RIMBP2: variants seen among roughly 807,000 people sequenced by gnomAD.
RIMBP2 encodes RIMS-binding protein 2.
A neutral mutation model predicts 118.6 loss-of-function variants in RIMBP2; 48 were observed. That is an observed-to-expected ratio of 0.40 (90% confidence interval 0.32 to 0.51). The LOEUF (loss-of-function observed/expected upper bound fraction) is 0.51, where lower values mean the gene tolerates loss of function less well. Among genes scored for constraint, RIMBP2 ranks in the 20% least tolerant of loss-of-function variants. The pLI is 0.41. For synonymous variants in RIMBP2, 762 were observed against 742.9 expected, an observed-to-expected ratio of 1.03 and a Z score of -0.42; for missense variants, 1,551 against 1,768.3, an observed-to-expected ratio of 0.88 and a Z score of 2.20.
At chr12:130,655,358 A>G (rs1193137763) in intron 1 of RIMBP2, among the ~76,000 whole-genome samples, 1 of 152,172 alleles carries the variant, frequency 6.6e-6, no homozygotes, top group East Asian at 1.9e-4. Flanking sequence ...TAAGGACCTT[A>G]TTTATCTTGC....
intron 4 of RIMBP2, among the ~76,000 whole-genome samples, chr12:130,480,757 T>G (rs1014823768): frequency 6.6e-6 from 1 of 152,144 alleles, no homozygotes; most frequent in African/African-American, 2.4e-5. Flanking sequence ...CCCACCACCA[T>G]GCTGGGCTAA....
At chr12:130,591,976 GA>G (rs1424941590) in intron 2 of RIMBP2, among the ~76,000 whole-genome samples, 1 of 152,208 alleles carries the variant, frequency 6.6e-6, no homozygotes, top group Admixed American at 6.5e-5. Flanking sequence ...CCCAGGCCTG[GA>G]GTCAGAGAGG....
At chr12:130,459,571 G>T (rs539159174) in intron 6 of RIMBP2, among the ~76,000 whole-genome samples, 2 of 152,318 alleles carry the variant, frequency 1.3e-5, no homozygotes, top group Admixed American at 6.5e-5. Context: ...TGAAGATAAT[G>T]AAAGGTACCA....
At chr12:130,504,089 T>C (rs1045141907) in intron 4 of RIMBP2, among the ~76,000 whole-genome samples, 24 of 152,336 alleles carry the variant, frequency 1.6e-4, no homozygotes, top group African/African-American at 5.3e-4. Flanking sequence ...TCTCCCATGA[T>C]TGTTTTAGGA....
intron 5 of RIMBP2, among the ~76,000 whole-genome samples, chr12:130,476,464 G>A (rs1025328387): frequency 1.4e-4 from 21 of 152,136 alleles, no homozygotes; most frequent in Admixed American, 1.3e-3. Context: ...AGGCACCACT[G>A]CCTGGTGGGG....
intron 1 of RIMBP2, among the ~76,000 whole-genome samples, chr12:130,674,781 C>A (rs534876520): frequency 6.6e-6 from 1 of 152,232 alleles, no homozygotes; most frequent in African/African-American, 2.4e-5. Flanking sequence ...CCCACCCCCG[C>A]CCCTGCACCC....
intron 1 of RIMBP2, among the ~76,000 whole-genome samples, chr12:130,650,091 C>A (rs1371936229): frequency 6.6e-6 from 1 of 152,000 alleles, no homozygotes; most frequent in Non-Finnish European, 1.5e-5. Context: ...CGGGGAGACG[C>A]AGTGGGGACT....
At chr12:130,553,865 T>A (rs1488108317) in intron 2 of RIMBP2, among the ~76,000 whole-genome samples, 1 of 152,196 alleles carries the variant, frequency 6.6e-6, no homozygotes, top group Non-Finnish European at 1.5e-5. Flanking sequence ...GGAGAAACTG[T>A]TAGGAAACTA....
chr12:130,444,053 C>T (rs1304976529), intron 10 of RIMBP2, among the ~76,000 whole-genome samples: 1 of 152,230 alleles, frequency 6.6e-6, no homozygotes, highest in African/African-American at 2.4e-5. Flanking sequence ...AAAGAGGCTC[C>T]TGGAATGCTT....
intron 2 of RIMBP2, among the ~76,000 whole-genome samples, chr12:130,575,892 G>A (rs145366091): frequency 2.6e-5 from 4 of 152,318 alleles, no homozygotes; most frequent in African/African-American, 9.6e-5. Context: ...TGGGCAAACT[G>A]CACAGCAAAA....
chr12:130,701,594 G>A (rs943952026), intron 1 of RIMBP2, among the ~76,000 whole-genome samples: 3 of 152,098 alleles, frequency 2.0e-5, no homozygotes, highest in Admixed American at 6.6e-5. Context: ...ACGTTGTAGG[G>A]GAAGGTGTCT....
intron 4 of RIMBP2, among the ~76,000 whole-genome samples, chr12:130,488,176 C>A (rs1316655971): frequency 6.6e-6 from 1 of 152,132 alleles, no homozygotes; most frequent in Non-Finnish European, 1.5e-5. Flanking sequence ...CCACATTTCA[C>A]CAAACCCACA....
chr12:130,436,962 G>T lies in RIMBP2; in HGVS notation c.1986C>A (p.Pro662=). 6.2e-7 allele frequency: 1 copy of T among 1,606,436 alleles called. No individual in the cohort carries two copies. Among genetic ancestry groups the T allele is most frequent in the Non-Finnish European group, 8.5e-7 (1 of 1,177,214 alleles). The change falls in exon 13 of 23, where the codon CCC becomes CCA. Residue 662 remains proline, a synonymous_variant. Coordinates refer to ENST00000690449, the MANE Select transcript of RIMBP2 (RefSeq NM_001393629.1). ...GGCTGGGTGAGGGCGACCGCCTTCC[G>T]GGGCCCACGGGCGGCTCCAGCATGT... ...HGHMLEPPVG[P]GRRSPSPSRI... is the part of the protein sequence containing the mutation.
intron 1 of RIMBP2, among the ~76,000 whole-genome samples, chr12:130,663,425 A>C (rs560068578): frequency 6.7e-6 from 1 of 148,282 alleles, no homozygotes; most frequent in African/African-American, 2.6e-5. Flanking sequence ...AGCAGACAGA[A>C]AGCTTTTATT....
chr12:130,524,568 CCTCA>C (rs2052559534), intron 2 of RIMBP2, among the ~76,000 whole-genome samples: 1 of 152,204 alleles, frequency 6.6e-6, no homozygotes, highest in African/African-American at 2.4e-5. Flanking sequence ...ACTTCATGAA[CCTCA>C]CTGAGGAGTT....
intron 1 of RIMBP2, among the ~76,000 whole-genome samples, chr12:130,704,630 A>G (rs569515035): frequency 1.2e-4 from 19 of 152,260 alleles, no homozygotes; most frequent in African/African-American, 4.1e-4. Context: ...AAGTTTTTAA[A>G]TCTCAAATTA....
At chr12:130,599,410 T>G (rs1015298589) in intron 2 of RIMBP2, among the ~76,000 whole-genome samples, 3 of 152,152 alleles carry the variant, frequency 2.0e-5, no homozygotes, top group Admixed American at 2.0e-4. Context: ...ATTTTCAATA[T>G]TCAATAAAAA....
chr12:130,482,530 A>G (rs1169530490), intron 4 of RIMBP2, among the ~76,000 whole-genome samples: 1 of 152,208 alleles, frequency 6.6e-6, no homozygotes, highest in Admixed American at 6.5e-5. Context: ...ACCAGCCTCA[A>G]TCTGATACGA....
At chr12:130,654,760 G>A (rs1242232429) in intron 1 of RIMBP2, among the ~76,000 whole-genome samples, 1 of 152,224 alleles carries the variant, frequency 6.6e-6, no homozygotes, top group Non-Finnish European at 1.5e-5. Flanking sequence ...TCTGCAGGCT[G>A]TACAGAAAAC....
Sources: allele counts gnomAD v4.1 joint callset (sites outside exome capture counted in the v4.1 genomes callset), GRCh38; gene constraint gnomAD v4.1.1; transcripts MANE v1.5; gene names NCBI Gene and HGNC (gene_info 2026-07-23, HGNC 2026-07-21).